The following REDIC1 variants were observed in gnomAD, a reference collection of about 807,000 sequenced individuals.
REDIC1 encodes HEI10 Interacting Protein 1.
the REDIC1 span, among the ~76,000 whole-genome samples, chr12:39,701,735 T>C: frequency 2.0e-5 from 3 of 151,990 alleles, no homozygotes; most frequent in African/African-American, 7.3e-5. Context: ...CTATAACAAA[T>C]GGTCTCTCAG....
chr12:39,712,029 C>CATGTGTATATACCTACCTGT, the REDIC1 span, among the ~76,000 whole-genome samples: 1 of 113,290 alleles, frequency 8.8e-6, no homozygotes, highest in Non-Finnish European at 1.8e-5. Flanking sequence ...TGTATATATA[C>CATGTGTATATACCTACCTGT]ATGTATATAT....
the REDIC1 span, among the ~76,000 whole-genome samples, chr12:39,869,326 A>G: frequency 6.6e-6 from 1 of 152,196 alleles, no homozygotes; most frequent in African/African-American, 2.4e-5. Flanking sequence ...GGACCTATTT[A>G]ATCACTGAAA....
the REDIC1 span, among the ~76,000 whole-genome samples, chr12:39,841,421 T>C: frequency 6.6e-6 from 1 of 152,144 alleles, no homozygotes; most frequent in African/African-American, 2.4e-5. Flanking sequence ...AAAAGAGAGC[T>C]GTATTTGCCA....
chr12:39,871,652 T>G, the REDIC1 span: 3 of 728,496 alleles, frequency 4.1e-6, no homozygotes, highest in Non-Finnish European at 6.0e-6. Flanking sequence ...TTTTTTTTCT[T>G]TTTTGGTCTA....
chr12:39,792,822 T>G, the REDIC1 span, among the ~76,000 whole-genome samples: 1 of 149,966 alleles, frequency 6.7e-6, no homozygotes. Context: ...AAACCCCACA[T>G]AAAAGTGGAC....
the REDIC1 span, chr12:39,721,308 T>G: frequency 7.0e-7 from 1 of 1,425,046 alleles, no homozygotes; most frequent in South Asian, 1.3e-5. Flanking sequence ...AAAACAACAG[T>G]AAATGTTGAA....
the REDIC1 span, among the ~76,000 whole-genome samples, chr12:39,896,168 A>G: frequency 1.3e-5 from 2 of 149,092 alleles, no homozygotes; most frequent in South Asian, 2.1e-4. Context: ...GTGTATACAT[A>G]TATGAATATG....
the REDIC1 span, chr12:39,760,010 T>C: frequency 1.9e-6 from 3 of 1,596,600 alleles, no homozygotes; most frequent in South Asian, 1.1e-5. Context: ...TAACTAAATA[T>C]ATGAGCAGCT....
At chr12:39,689,763 C>T in the REDIC1 span, among the ~76,000 whole-genome samples, 2 of 152,072 alleles carry the variant, frequency 1.3e-5, no homozygotes, top group Non-Finnish European at 2.9e-5. Flanking sequence ...GGAAGCTGTC[C>T]TGTTATTCCT....
At chr12:39,637,545 T>C in the REDIC1 span, among the ~76,000 whole-genome samples, 5 of 152,080 alleles carry the variant, frequency 3.3e-5, no homozygotes, top group Admixed American at 3.3e-4. Flanking sequence ...GCTAAGTAGG[T>C]GCATGCTATG....
the REDIC1 span, among the ~76,000 whole-genome samples, chr12:39,880,248 A>G: frequency 6.6e-6 from 1 of 152,226 alleles, no homozygotes; most frequent in South Asian, 2.1e-4. Flanking sequence ...ATTTATTTGT[A>G]GCAATGCAAG....
chr12:39,646,516 A>C, the REDIC1 span: 9 of 1,456,078 alleles, frequency 6.2e-6, no homozygotes, highest in Non-Finnish European at 8.3e-6. Context: ...TATTAACAAC[A>C]CTTTTACTCA....
chr12:39,774,345 G>T, the REDIC1 span, among the ~76,000 whole-genome samples: 187 of 152,256 alleles, frequency 1.2e-3, 3 homozygotes, highest in Middle Eastern at 6.8e-3. Flanking sequence ...ACCATGAAAA[G>T]TTACTGTTAC....
the REDIC1 span, among the ~76,000 whole-genome samples, chr12:39,877,143 A>G: frequency 6.6e-6 from 1 of 152,164 alleles, no homozygotes; most frequent in Non-Finnish European, 1.5e-5. Flanking sequence ...AAAAACAAGG[A>G]TAACTCTATT....
At chr12:39,719,599 G>T in the REDIC1 span, among the ~76,000 whole-genome samples, 2 of 152,146 alleles carry the variant, frequency 1.3e-5, no homozygotes, top group African/African-American at 4.8e-5. Context: ...AGGCAATGGA[G>T]TGAGACCCTG....
chr12:39,819,048 C>T, the REDIC1 span, among the ~76,000 whole-genome samples: 1 of 152,082 alleles, frequency 6.6e-6, no homozygotes, highest in Non-Finnish European at 1.5e-5. Context: ...ACCGCTTGCA[C>T]CCCACAGAAG....
At chr12:39,891,155 C>T in the REDIC1 span, among the ~76,000 whole-genome samples, 1 of 149,398 alleles carries the variant, frequency 6.7e-6, no homozygotes, top group Admixed American at 6.8e-5. Flanking sequence ...GAGGATGCAT[C>T]TAGGATGCTT....
the REDIC1 span, among the ~76,000 whole-genome samples, chr12:39,812,996 A>ATTTTTTTTTTTTTTTT: frequency 4.4e-3 from 177 of 40,616 alleles, 71 homozygotes; most frequent in Non-Finnish European, 6.3e-3. Flanking sequence ...TGCCCAGCTA[A>ATTTTTTTTTTTTTTTT]TTTTTTTTTT....
At chr12:39,712,323 CAT>C in the REDIC1 span, among the ~76,000 whole-genome samples, 100,940 of 125,622 alleles carry the variant, frequency 0.8, 41,519 homozygotes, top group Non-Finnish European at 0.87. Flanking sequence ...TGTATATATA[CAT>C]ATGTTTATAT....
Sources: gnomAD v4.1 joint callset for allele counts (sites outside exome capture counted in the v4.1 genomes callset) on GRCh38, gnomAD v4.1.1 for gene constraint, MANE v1.5 for transcripts, NCBI Gene and HGNC (gene_info 2026-07-23, HGNC 2026-07-21) for gene names.